TCN1: variants seen among roughly 807,000 people sequenced by gnomAD.
TCN1 encodes transcobalamin-1.
Under a neutral mutation model 46.3 loss-of-function variants are expected in TCN1, and 47 were observed. The ratio of observed to expected loss-of-function variants is 1.01; its 90% CI spans 0.80 to 1.29. TCN1 has a LOEUF of 1.29. TCN1 is among the 50% of genes most tolerant of loss of function. The pLI is 0.00. For missense variants in TCN1, 532 were observed against 511.0 expected, an observed-to-expected ratio of 1.04 and a Z score of -0.40; for synonymous variants, 183 against 192.5, an observed-to-expected ratio of 0.95 and a Z score of 0.41.
At chr11:59,861,925 T>C (rs1234747680) in intron 3 of TCN1, among the ~76,000 whole-genome samples, 1 of 152,188 alleles carries the variant, frequency 6.6e-6, no homozygotes, top group Non-Finnish European at 1.5e-5. Context: ...GAGATTAAGA[T>C]GCTATCTAGA....
chr11:59,865,758 A>G (rs373048823), intron 1 of TCN1, among the ~76,000 whole-genome samples: 1 of 152,284 alleles, frequency 6.6e-6, no homozygotes, highest in African/African-American at 2.4e-5. Flanking sequence ...GGATCAAACT[A>G]AACCTGAATT....
At chr11:59,864,201 A>G in intron 1 of TCN1, 115 bp from the exon 2 acceptor site, 1 of 1,178,556 alleles carries the variant, frequency 8.5e-7, no homozygotes, top group East Asian at 2.4e-5. Flanking sequence ...AGACCAATCC[A>G]GTGGCTGCAG....
chr11:59,862,096 G>GTGA (rs1244362490), intron 3 of TCN1, among the ~76,000 whole-genome samples: 26 of 152,154 alleles, frequency 1.7e-4, no homozygotes, highest in African/African-American at 6.0e-4. Flanking sequence ...ATATTGGGTG[G>GTGA]GAACTGAAAT....
At chr11:59,866,255 T>A (rs1480754180) in intron 1 of TCN1, 137 bp downstream of exon 1, 19 of 836,212 alleles carry the variant, frequency 2.3e-5, no homozygotes, top group Non-Finnish European at 3.6e-5. Context: ...CCTGCCACCC[T>A]TTTCATCATT....
chr11:59,857,636 A>C (rs748045230), intron 5 of TCN1, among the ~76,000 whole-genome samples: 6 of 151,612 alleles, frequency 4.0e-5, no homozygotes, highest in African/African-American at 1.5e-4. Flanking sequence ...ATATCTATTC[A>C]TACTGATGAT....
chr11:59,866,481 G>A lies in TCN1; in HGVS notation c.-11C>T, dbSNP rs372713995. 28 of 1,612,012 alleles carry A rather than the reference G, an allele frequency of 1.7e-5. No individual in the cohort carries two copies. In the African/African-American group the frequency reaches 3.3e-4, roughly 19 times the overall value. On this transcript the variant is annotated 5_prime_UTR_variant, in exon 1 of 9. Coordinates refer to ENST00000257264, the MANE Select transcript of TCN1 (RefSeq NM_001062.4). ...GTGTGACTGTCTCATCTCTCCAACA[G>A]TGTACCAGAATGTTGATGAATTGGC...
In TCN1 at chr11:59,866,403, C is replaced by A. The variant is rs746935644; in HGVS notation, c.68G>T (p.Cys23Phe). The change falls in exon 1 of 9, where the codon TGC becomes TTC. Residue 23 changes from cysteine (C) to phenylalanine (F), a missense_variant. Transcript: ENST00000257264. ...CAAAGTTTACTCACCACAAATCTCG[C>A]ATAGTTGGCTTGGAATAAAAGAAAA... ...LLFSFIPSQL[C>F]EICEVSEENY... 1 of 1,613,436 alleles carries A rather than the reference C, an allele frequency of 6.2e-7. No homozygotes were observed. Among genetic ancestry groups the A allele is most frequent in the East Asian group, 2.2e-5 (1 of 44,874 alleles).
rs117868082 is a variant in TCN1 at position 59,862,321 on chromosome 11, G to A, written c.400+261C>T. On this transcript the variant is annotated intron_variant, in intron 3 of 8. Coordinates refer to ENST00000257264, the MANE Select transcript of TCN1 (RefSeq NM_001062.4). ...AGAATGGTGACTTGTGTGTGTGCAT[G>A]TGTGTGTGTGTGTGTATGTGTGTGT... is the stretch of plus-strand genomic sequence containing the variant. Among the ~76,000 whole-genome samples the A allele has an allele frequency of 6.9e-3, 1,025 of 148,492 alleles. 3 individuals are homozygous for A. The highest frequency in any genetic ancestry group is 9.5e-3 in the Non-Finnish European group (640 of 67,446).
intron 5 of TCN1, 31 bp downstream of exon 5, chr11:59,859,046 T>C: frequency 6.2e-7 from 1 of 1,607,724 alleles, no homozygotes; most frequent in Non-Finnish European, 8.5e-7. Flanking sequence ...AAGACTCCCT[T>C]CTCTGCCTCC....
At chr11:59,857,269 C>G (rs530593683) in intron 5 of TCN1, among the ~76,000 whole-genome samples, 1 of 152,264 alleles carries the variant, frequency 6.6e-6, no homozygotes, top group East Asian at 1.9e-4. Context: ...GAGCAAGGCC[C>G]AGGCTCCACC....
In TCN1 at chr11:59,854,802, G is replaced by A. The variant is rs750510342; in HGVS notation, c.971C>T (p.Thr324Ile). The A allele has an allele frequency of 6.2e-7, 1 of 1,614,060 alleles. No individual in the cohort carries two copies. Among genetic ancestry groups the A allele is most frequent in the East Asian group, 2.2e-5 (1 of 44,862 alleles). ...NFNISADEPI[T>I]VTPPDSQSYI... ...TGATTGTGAGTCAGGAGGTGTCACA[G>A]TTATAGGCTCATCAGCGGAGATGTT... is the stretch of plus-strand genomic sequence containing the variant. Residue 324 changes from threonine to isoleucine, a missense_variant, in exon 7 of 9, where the codon ACT becomes ATT. Thr to Ile is a moderately conservative substitution (Grantham distance 89). Coordinates refer to ENST00000257264, the MANE Select transcript of TCN1 (RefSeq NM_001062.4).
Position 59,852,977 on chromosome 11 carries a change from A to G in TCN1, c.1300T>C (p.Ter434GlnextTer1). ...CAGCTGAGGAAAGTTTGGGCTTATT[A>G]GTATTTGCTCCAGCGAACCTCCAAG... ...ENLEVRWSKY* is the reference protein window; with the variant it reads ...ENLEVRWSKYQ The change falls in exon 9 of 9, where the codon TAA (stop) becomes CAA (glutamine). Residue 434 changes from the stop codon to glutamine, a stop_lost. Transcript: ENST00000257264. 1 of 1,614,126 alleles carries G rather than the reference A, an allele frequency of 6.2e-7. No individual in the cohort carries two copies. The highest frequency in any genetic ancestry group is 8.5e-7 in the Non-Finnish European group (1 of 1,179,964).
At chr11:59,861,421 A>T in intron 4 of TCN1, 106 bp downstream of exon 4, 1 of 1,254,358 alleles carries the variant, frequency 8.0e-7, no homozygotes, top group South Asian at 1.2e-5. Flanking sequence ...TAGAGCAAAG[A>T]GGGTAGAAAA....
At chr11:59,854,539 C>T (rs1852905238) in intron 7 of TCN1, 113 bp downstream of exon 7, 1 of 1,151,940 alleles carries the variant, frequency 8.7e-7, no homozygotes, top group Non-Finnish European at 1.3e-6. Context: ...GACAGCAAAG[C>T]TACTGACCCA....
rs1866689401 is a variant in TCN1, at chr11:59,853,426, T to C, written c.1122-105A>G. 2.8e-6 allele frequency: 3 copies of C among 1,058,392 alleles called. No homozygotes were observed. In the Admixed American group the frequency reaches 5.2e-5, roughly 18 times the overall value. The allele number at this position is 1,058,392 out of a possible 1,614,324, so 65.6% of individuals were successfully genotyped here. On this transcript the variant is annotated intron_variant, in intron 7 of 8. Transcript: ENST00000257264. The stretch of plus-strand genomic sequence containing the variant: ...GTACCTGAGAATCACTTGATGACAT[T>C]ATAAAAATGCAGATTTCCTGGCCCT...
Position 59,854,498 on chromosome 11 carries a change from T to A in TCN1, c.1121+154A>T, listed in dbSNP as rs192949187. 10 of 729,340 alleles carry A rather than the reference T, an allele frequency of 1.4e-5. No individual in the cohort carries two copies. The African/African-American group carries it at 1.6e-4, about 12-fold the overall frequency. The allele number at this position is 729,340 out of a possible 1,614,324, so 45.2% of individuals were successfully genotyped here. A position where few individuals can be genotyped will look rare whatever the true frequency, so the allele number is the denominator to read the frequency against. On this transcript the variant is annotated intron_variant, in intron 7 of 8. Coordinates refer to ENST00000257264, the MANE Select transcript of TCN1 (RefSeq NM_001062.4). ...CAAGAAGATGAAATACCTCACCTCC[T>A]ATTTTAAACTCCTGCTGTGAGATGT...
intron 3 of TCN1, 39 bp from the exon 4 acceptor site, chr11:59,861,721 T>G: frequency 6.2e-7 from 1 of 1,603,900 alleles, no homozygotes; most frequent in Non-Finnish European, 8.5e-7. Flanking sequence ...ATCATGGAAG[T>G]GGTAATGGCG....
At chr11:59,865,358 A>C (rs1476758701) in intron 1 of TCN1, among the ~76,000 whole-genome samples, 1 of 152,200 alleles carries the variant, frequency 6.6e-6, no homozygotes, top group East Asian at 1.9e-4. Flanking sequence ...TCTCAAAGAT[A>C]AATTTAATTA....
In TCN1 at chr11:59,853,258, G is replaced by A; in HGVS notation, c.1185C>T (p.Asn395=). 1 of 1,614,030 alleles carries A rather than the reference G, an allele frequency of 6.2e-7. No homozygotes were observed. Among genetic ancestry groups the A allele is most frequent in the African/African-American group, 1.3e-5 (1 of 74,980 alleles). Reference sequence around the variant, plus strand: ...GTTCCCAGTAGGTTCTGTCATTATTGTTGGCACATAGGCCCTGAATACAGG... The same window carrying A: ...GTTCCCAGTAGGTTCTGTCATTATTATTGGCACATAGGCCCTGAATACAGG... The part of the protein sequence containing the change: ...YITCIQGLCA[N]NNDRTYWELL... The change falls in exon 8 of 9, where the codon AAC becomes AAT. Residue 395 remains asparagine (N), a synonymous_variant. Coordinates refer to ENST00000257264, the MANE Select transcript of TCN1 (RefSeq NM_001062.4).
Sources: gnomAD v4.1 joint callset for allele counts (sites outside exome capture counted in the v4.1 genomes callset) on GRCh38, gnomAD v4.1.1 for gene constraint, MANE v1.5 for transcripts, NCBI Gene and HGNC (gene_info 2026-07-23, HGNC 2026-07-21) for gene names.